The following DOCK4 variants were observed in gnomAD, a reference collection of about 807,000 sequenced individuals.
DOCK4 encodes the protein dedicator of cytokinesis protein 4.
Under a neutral mutation model 268.1 loss-of-function variants are expected in DOCK4, and 97 were observed. The observed-to-expected ratio is 0.36, with a 90% CI of 0.31 to 0.43. DOCK4 has a LOEUF of 0.43. Ranked by LOEUF, DOCK4 falls within the 20% of genes least tolerant of loss-of-function variation. The pLI, the probability that DOCK4 is intolerant of heterozygous loss-of-function variation, is 1.00. For synonymous variants in DOCK4, 954 were observed against 887.2 expected (o/e 1.08, Z -1.34); for missense variants, 2,145 against 2,455.7 (o/e 0.87, Z 2.67).
At chr7:112,135,352 C>T (rs920949610) in intron 1 of DOCK4, among the ~76,000 whole-genome samples, 1 of 152,070 alleles carries the variant, frequency 6.6e-6, no homozygotes, top group Non-Finnish European at 1.5e-5. Context: ...AAGCATCTAT[C>T]TATTCTTACT....
At chr7:112,111,118 C>A (rs1433066272) in intron 1 of DOCK4, among the ~76,000 whole-genome samples, 1 of 152,194 alleles carries the variant, frequency 6.6e-6, no homozygotes, top group Non-Finnish European at 1.5e-5. Context: ...GAAGAGTGGT[C>A]TTTTAGTTCA....
intron 1 of DOCK4, among the ~76,000 whole-genome samples, chr7:112,055,253 A>T (rs1189631552): frequency 6.6e-6 from 1 of 152,228 alleles, no homozygotes; most frequent in African/African-American, 2.4e-5. Context: ...CTATACATAC[A>T]TTTAAGGTAG....
chr7:111,982,495 C>T (rs1276205381), intron 7 of DOCK4, among the ~76,000 whole-genome samples: 1 of 152,188 alleles, frequency 6.6e-6, no homozygotes. Context: ...CAAATATTAT[C>T]TGTCAAGGAA....
Position 111,728,236 on chromosome 7 carries a change from C to G in DOCK4, c.*38G>C. 1 of 1,399,804 alleles carries G rather than the reference C, an allele frequency of 7.1e-7. No individual in the cohort carries two copies. The highest frequency in any genetic ancestry group is 9.4e-7 in the Non-Finnish European group (1 of 1,065,928). The allele number at this position is 1,399,804 out of a possible 1,614,324, so 86.7% of individuals were successfully genotyped here. ...CTCATCATACTTCTTATTTTGTAAACGGGCAAAGAATGCATCGCAGGTACA... is the reference window on the plus strand; with the variant it reads ...CTCATCATACTTCTTATTTTGTAAAGGGGCAAAGAATGCATCGCAGGTACA... On this transcript the variant is annotated 3_prime_UTR_variant, in exon 53 of 53. Transcript: ENST00000428084.
intron 1 of DOCK4, among the ~76,000 whole-genome samples, chr7:112,101,943 C>T (rs1324655402): frequency 6.6e-6 from 1 of 151,852 alleles, no homozygotes; most frequent in East Asian, 1.9e-4. Flanking sequence ...CGCGGGTTCA[C>T]GCCATTCTCC....
intron 26 of DOCK4, among the ~76,000 whole-genome samples, chr7:111,830,933 T>C (rs1462629624): frequency 6.6e-6 from 1 of 152,124 alleles, no homozygotes; most frequent in Non-Finnish European, 1.5e-5. Context: ...AGGCACTGTT[T>C]ATCACGCCTC....
chr7:112,119,965 A>T (rs1812580407), intron 1 of DOCK4, among the ~76,000 whole-genome samples: 1 of 151,260 alleles, frequency 6.6e-6, no homozygotes. Context: ...CTCCTGCCTC[A>T]GCCTCCCAAG....
In DOCK4 at chr7:111,742,137, AT is replaced by A; in HGVS notation, c.4678-6del. Reference sequence around the variant, plus strand: ...ACCAAATTCCAGAATCTGTGCCTTAATTCACAACATAAGGAAAAAACCTCAC... The same window carrying A: ...ACCAAATTCCAGAATCTGTGCCTTAATCACAACATAAGGAAAAAACCTCAC... On this transcript the variant is annotated splice_region_variant and splice_polypyrimidine_tract_variant and intron_variant, in intron 44 of 52. Coordinates refer to ENST00000428084, the MANE Select transcript of DOCK4 (RefSeq NM_001363540.2). 1 of 1,585,756 alleles carries A rather than the reference AT, an allele frequency of 6.3e-7. No individual in the cohort carries two copies. Among genetic ancestry groups the A allele is most frequent in the Non-Finnish European group, 8.6e-7 (1 of 1,168,460 alleles).
At chr7:112,118,150 T>A (rs1049787807) in intron 1 of DOCK4, among the ~76,000 whole-genome samples, 2 of 145,118 alleles carry the variant, frequency 1.4e-5, no homozygotes, top group African/African-American at 5.1e-5. Context: ...ATATATATAT[T>A]TTGTCTCCTA....
chr7:111,940,768 G>A (rs1451982085), intron 10 of DOCK4, among the ~76,000 whole-genome samples: 1 of 152,150 alleles, frequency 6.6e-6, no homozygotes, highest in East Asian at 1.9e-4. Flanking sequence ...GGTTTTAACT[G>A]TTGTAAAGTT....
intron 1 of DOCK4, among the ~76,000 whole-genome samples, chr7:112,073,004 GATCAC>G (rs1297948032): frequency 2.0e-5 from 3 of 152,106 alleles, no homozygotes; most frequent in Non-Finnish European, 2.9e-5. Flanking sequence ...GGGGAGAAGG[GATCAC>G]AACACCCCCA....
At chr7:111,989,939 G>T (rs761828853) in intron 5 of DOCK4, among the ~76,000 whole-genome samples, 1 of 152,216 alleles carries the variant, frequency 6.6e-6, no homozygotes. Context: ...CAACTGTGCA[G>T]AGAGCACTAC....
intron 42 of DOCK4, among the ~76,000 whole-genome samples, chr7:111,751,279 C>T (rs933331085): frequency 5.3e-5 from 8 of 152,004 alleles, no homozygotes; most frequent in African/African-American, 1.5e-4. Flanking sequence ...TCCACACATA[C>T]GGAAACATTT....
chr7:111,784,782 C>T (rs1367141356), intron 32 of DOCK4, among the ~76,000 whole-genome samples: 1 of 152,096 alleles, frequency 6.6e-6, no homozygotes, highest in Non-Finnish European at 1.5e-5. Context: ...TTGAACTTCC[C>T]CCAAAAGATA....
chr7:111,736,679 C>T lies in DOCK4; in HGVS notation c.5305+238G>A, dbSNP rs150210543. ...TGACTCACTGGATGATAACAAAAAG[C>T]CATTAAACATAGGCGTTCCTATCTT... On this transcript the variant is annotated intron_variant, in intron 50 of 52. Coordinates refer to ENST00000428084, the MANE Select transcript of DOCK4 (RefSeq NM_001363540.2). Among the ~76,000 whole-genome samples the T allele has an allele frequency of 2.9e-3, 440 of 152,258 alleles. 3 individuals are homozygous for T. Among genetic ancestry groups the T allele is most frequent in the African/African-American group, 0.01 (426 of 41,550 alleles).
chr7:111,955,316 T>C (rs1293463895), intron 8 of DOCK4, among the ~76,000 whole-genome samples: 1 of 152,240 alleles, frequency 6.6e-6, no homozygotes, highest in Non-Finnish European at 1.5e-5. Flanking sequence ...GATACAACTG[T>C]TTCCAGAGTT....
rs1477980949 is a variant in DOCK4, at chr7:111,746,317, G to A, written c.4677+17C>T. Reference sequence around the variant, plus strand: ...ATCCAGGCAAAATAGAAGGGGGTTGGCTTCTGCTTCCCTTACCTGCTCAAG... The same window carrying A: ...ATCCAGGCAAAATAGAAGGGGGTTGACTTCTGCTTCCCTTACCTGCTCAAG... On this transcript the variant is annotated intron_variant, in intron 44 of 52. Coordinates refer to ENST00000428084, the MANE Select transcript of DOCK4 (RefSeq NM_001363540.2). 2 of 1,606,258 alleles carry A rather than the reference G, an allele frequency of 1.2e-6. No individual in the cohort carries two copies. Among genetic ancestry groups the A allele is most frequent in the Non-Finnish European group, 1.7e-6 (2 of 1,175,296 alleles).
At chr7:112,034,209 T>C (rs1208956376) in intron 1 of DOCK4, among the ~76,000 whole-genome samples, 1 of 152,204 alleles carries the variant, frequency 6.6e-6, no homozygotes, top group Non-Finnish European at 1.5e-5. Flanking sequence ...TCAAACACGA[T>C]TCCTGAATCT....
intron 32 of DOCK4, among the ~76,000 whole-genome samples, chr7:111,787,505 C>T (rs578011984): frequency 2.0e-5 from 3 of 152,168 alleles, no homozygotes; most frequent in East Asian, 3.9e-4. Context: ...ATTTTATCAC[C>T]CACCACTACC....
Sources: allele counts gnomAD v4.1 joint callset (sites outside exome capture counted in the v4.1 genomes callset), GRCh38; gene constraint gnomAD v4.1.1; transcripts MANE v1.5; gene names NCBI Gene and HGNC (gene_info 2026-07-23, HGNC 2026-07-21).